Variants in FAM13A observed in about 807,000 individuals in gnomAD.
FAM13A encodes the protein protein FAM13A.
In FAM13A, 76 loss-of-function variants were observed where a neutral mutation model predicts 129.6. The observed-to-expected ratio is 0.59, with a 90% CI of 0.49 to 0.71. The LOEUF is 0.71. FAM13A is among the 30% of genes least tolerant of loss of function. The probability of loss-of-function intolerance (pLI) is 0.00; values close to 1 mark genes in which losing one functional copy is unlikely to be tolerated. For synonymous variants in FAM13A, 443 were observed against 449.9 expected (o/e 0.98, Z 0.20); for missense variants, 1,108 against 1,249.3 (o/e 0.89, Z 1.70).
rs754083836 is a variant in FAM13A, at chr4:88,747,014, T to C, written c.2384A>G (p.Asp795Gly). 2.3e-5 allele frequency: 37 copies of C among 1,601,740 alleles called. No individual in the cohort carries two copies. The South Asian group carries it at 2.4e-4, about 10-fold the overall frequency. Reference protein sequence around the residue: ...AESSRPEDIKDMTKDQIANEK... With the variant: ...AESSRPEDIKGMTKDQIANEK... ...ATTAGCAATCTGGTCTTTGGTCATATCCTGTATAAACACAGGGATAGAGAA... is the reference window on the plus strand; with the variant it reads ...ATTAGCAATCTGGTCTTTGGTCATACCCTGTATAAACACAGGGATAGAGAA... The change falls in exon 19 of 24, where the codon GAT becomes GGT. Residue 795 changes from aspartate to glycine, a missense_variant and splice_region_variant. By Grantham distance (94) the Asp-to-Gly change is moderately conservative (BLOSUM62 -1). This residue lies in a region of FAM13A where 529 missense variants were observed against 621.2 expected (regional missense o/e 0.85). Transcript: ENST00000264344.
intron 5 of FAM13A, among the ~76,000 whole-genome samples, chr4:88,916,055 G>A (rs1750068650): frequency 6.6e-6 from 1 of 151,992 alleles, no homozygotes; most frequent in Admixed American, 6.6e-5. Flanking sequence ...AAAAGAAGAA[G>A]AAGAGGAAGA....
chr4:88,995,270 T>C (rs934598362), intron 3 of FAM13A, among the ~76,000 whole-genome samples: 9 of 151,452 alleles, frequency 5.9e-5, no homozygotes, highest in Non-Finnish European at 1.3e-4. Context: ...TAAACAATGC[T>C]GTGATGGTTA....
intron 7 of FAM13A, among the ~76,000 whole-genome samples, chr4:88,848,486 C>A (rs1314966940): frequency 6.6e-6 from 1 of 152,182 alleles, no homozygotes; most frequent in Non-Finnish European, 1.5e-5. Flanking sequence ...AAACTCCAAC[C>A]CTTTCTGGAC....
intron 8 of FAM13A, among the ~76,000 whole-genome samples, chr4:88,795,666 C>T (rs1230820332): frequency 6.6e-6 from 1 of 151,752 alleles, no homozygotes; most frequent in East Asian, 1.9e-4. Flanking sequence ...GTCCTCGATA[C>T]TCTGAACAAT....
At position 88,993,969 on chromosome 4, in the gene FAM13A, C is replaced by T. The variant is rs527945241; in HGVS notation, c.428-2819G>A. On this transcript the variant is annotated intron_variant, in intron 3 of 23. Transcript: ENST00000264344. ...TCATGCTACTGCACTCCAGCCTGGG[C>T]GACAGAGCAAGACCCTGCCTCAAAA... Among the ~76,000 whole-genome samples, 5 of 149,810 alleles carry T rather than the reference C, an allele frequency of 3.3e-5. No homozygotes were observed. In the South Asian group the frequency reaches 1.1e-3, roughly 32 times the overall value.
chr4:88,959,448 G>A (rs557261495), intron 4 of FAM13A, among the ~76,000 whole-genome samples: 119 of 152,266 alleles, frequency 7.8e-4, no homozygotes, highest in African/African-American at 2.6e-3. Flanking sequence ...AGATCTGGTC[G>A]TTTAAAAGGA....
chr4:88,916,319 A>G (rs368390216), intron 5 of FAM13A, among the ~76,000 whole-genome samples: 13 of 152,198 alleles, frequency 8.5e-5, no homozygotes, highest in African/African-American at 3.1e-4. Flanking sequence ...TTATAATCCA[A>G]TATAGAGTTT....
chr4:88,785,397 A>G (rs1013833028), intron 10 of FAM13A, among the ~76,000 whole-genome samples: 11 of 152,134 alleles, frequency 7.2e-5, no homozygotes, highest in African/African-American at 2.7e-4. Flanking sequence ...TATATTAATG[A>G]TTCTTGATCT....
At chr4:88,925,699 T>G (rs535934573) in intron 5 of FAM13A, among the ~76,000 whole-genome samples, 1 of 150,370 alleles carries the variant, frequency 6.7e-6, no homozygotes, top group African/African-American at 2.4e-5. Flanking sequence ...ATAATAATAA[T>G]AAAATAAAAA....
intron 7 of FAM13A, among the ~76,000 whole-genome samples, chr4:88,840,996 C>T (rs927806507): frequency 7.4e-6 from 1 of 135,024 alleles, no homozygotes; most frequent in African/African-American, 3.1e-5. Flanking sequence ...CAAAATGGAT[C>T]AAAGACCAAA....
At chr4:88,774,666 T>C (rs182673352) in intron 11 of FAM13A, among the ~76,000 whole-genome samples, 1 of 152,342 alleles carries the variant, frequency 6.6e-6, no homozygotes, top group Admixed American at 6.5e-5. Context: ...ACATGTTGGC[T>C]GGCTGTTTCA....
chr4:88,777,542 C>G (rs1174646444), intron 11 of FAM13A, among the ~76,000 whole-genome samples: 1 of 152,132 alleles, frequency 6.6e-6, no homozygotes, highest in African/African-American at 2.4e-5. Flanking sequence ...TACCTCACTG[C>G]CCCTGATTTC....
At chr4:88,970,598 T>C (rs1241219421) in intron 4 of FAM13A, among the ~76,000 whole-genome samples, 1 of 151,842 alleles carries the variant, frequency 6.6e-6, no homozygotes, top group African/African-American at 2.4e-5. Flanking sequence ...TTGAGTATTA[T>C]ATAGACTGAT....
chr4:88,807,957 A>G (rs917493561), intron 7 of FAM13A, among the ~76,000 whole-genome samples: 2 of 152,220 alleles, frequency 1.3e-5, no homozygotes, highest in East Asian at 1.9e-4. Context: ...AGAAAATGTA[A>G]GCACTGAAAT....
At position 88,787,930 on chromosome 4, in the gene FAM13A, A is replaced by C; in HGVS notation, c.1094T>G (p.Leu365Arg). 6.2e-7 allele frequency: 1 copy of C among 1,611,622 alleles called. No homozygotes were observed. Among genetic ancestry groups the C allele is most frequent in the East Asian group, 2.2e-5 (1 of 44,756 alleles). Residue 365 changes from leucine to arginine, a missense_variant and splice_region_variant, in exon 10 of 24, where the codon CTC becomes CGC. By Grantham distance (102) the Leu-to-Arg change is moderately radical. Coordinates refer to ENST00000264344, the MANE Select transcript of FAM13A (RefSeq NM_014883.4). ...QVSNVSATGE[L>R]LERTIRSAVE... ...AGCTGATCGGATGGTTCTTTCTAAG[A>C]GTCTGGCAAAAAAGAATGCAGAGTC...
chr4:88,942,073 T>C (rs1754852478), intron 4 of FAM13A, among the ~76,000 whole-genome samples: 1 of 152,156 alleles, frequency 6.6e-6, no homozygotes, highest in Admixed American at 6.5e-5. Flanking sequence ...CCTGACTTTC[T>C]CATGAATAAA....
rs533735883 is a variant in FAM13A at position 88,791,924 on chromosome 4, G to T, written c.1050-1297C>A. Reference sequence around the variant, plus strand: ...TTCCATAGTACTCATTATCCCAGAGGTGATCAAAAAATGTTTACTCTTTCG... The same window carrying T: ...TTCCATAGTACTCATTATCCCAGAGTTGATCAAAAAATGTTTACTCTTTCG... On this transcript the variant is annotated intron_variant, in intron 8 of 23. Transcript: ENST00000264344. Among the ~76,000 whole-genome samples the T allele has an allele frequency of 5.9e-5, 9 of 151,982 alleles. No individual in the cohort carries two copies. In the South Asian group the frequency reaches 1.9e-3, roughly 32 times the overall value.
chr4:88,981,644 G>T (rs1360615156), intron 4 of FAM13A, among the ~76,000 whole-genome samples: 1 of 152,164 alleles, frequency 6.6e-6, no homozygotes, highest in Non-Finnish European at 1.5e-5. Flanking sequence ...TGACAGCAGG[G>T]ATACCAGGCA....
intron 7 of FAM13A, among the ~76,000 whole-genome samples, chr4:88,845,474 T>G (rs1280533637): frequency 6.6e-6 from 1 of 152,050 alleles, no homozygotes; most frequent in Non-Finnish European, 1.5e-5. Context: ...GAAGGAGACT[T>G]TGAGGACGCT....
Sources: allele counts gnomAD v4.1 joint callset (sites outside exome capture counted in the v4.1 genomes callset), GRCh38; gene constraint gnomAD v4.1.1; regional missense constraint gnomAD v4.1.1; transcripts MANE v1.5; gene names NCBI Gene and HGNC (gene_info 2026-07-23, HGNC 2026-07-21).